Variants in TBXAS1 observed in about 807,000 individuals in gnomAD.
TBXAS1 encodes the protein thromboxane-A synthase.
A neutral mutation model predicts 60.7 loss-of-function variants in TBXAS1; 48 were observed. That is an observed-to-expected ratio of 0.79 (90% CI 0.63 to 1.01). The LOEUF is 1.01. Ranked by LOEUF, TBXAS1 falls within the 50% of genes least tolerant of loss-of-function variation. TBXAS1 has a pLI of 0.00. For synonymous variants in TBXAS1, 287 were observed against 269.7 expected (o/e 1.06, Z -0.63); for missense variants, 685 against 686.3 (o/e 1.00, Z 0.02).
chr7:139,892,235 T>G (rs769827462), intron 3 of TBXAS1, among the ~76,000 whole-genome samples: 2 of 152,182 alleles, frequency 1.3e-5, no homozygotes, highest in Non-Finnish European at 2.9e-5. Context: ...GTTCTGGTCT[T>G]AGCTCAGCTA....
intron 4 of TBXAS1, among the ~76,000 whole-genome samples, chr7:139,823,713 C>T (rs568666445): frequency 8.1e-4 from 123 of 152,250 alleles, no homozygotes; most frequent in African/African-American, 2.8e-3. Flanking sequence ...GCATGTAAAG[C>T]CAAAAGATTC....
rs1811181926 is a variant in TBXAS1 at position 139,971,384 on chromosome 7, A to C, written c.1134+9151A>C. ...AGGATACTAGGGACTTCTGTGCCCC[A>C]TCAGTGGACAAGTCACAAGTTCCCA... On this transcript the variant is annotated intron_variant, in intron 9 of 12. Transcript: ENST00000448866. Among the ~76,000 whole-genome samples the C allele has an allele frequency of 2.0e-5, 3 of 152,176 alleles. No individual in the cohort carries two copies. In the South Asian group the frequency reaches 6.2e-4, roughly 32 times the overall value.
chr7:140,011,836 C>CTATATA (rs3831720), intron 10 of TBXAS1, among the ~76,000 whole-genome samples: 6 of 150,440 alleles, frequency 4.0e-5, no homozygotes, highest in African/African-American at 1.2e-4. Context: ...ATTTTATGTT[C>CTATATA]TATATATATA....
Position 139,778,709 on chromosome 7 carries a change from C to T in TBXAS1, c.-318+238C>T, listed in dbSNP as rs1296326132. Among the ~76,000 whole-genome samples the T allele has an allele frequency of 2.0e-5, 3 of 152,174 alleles. No individual in the cohort carries two copies. The highest frequency in any genetic ancestry group is 4.4e-5 in the Non-Finnish European group (3 of 68,040). Reference sequence around the variant, plus strand: ...TGTCCCGAGGGCCGCCACTCCATCACTTGAATGGGAGCTCACAACTCTCTG... The same window carrying T: ...TGTCCCGAGGGCCGCCACTCCATCATTTGAATGGGAGCTCACAACTCTCTG... On this transcript the variant is annotated intron_variant, in intron 1 of 16. Coordinates refer to the TBXAS1 transcript ENST00000336425. This position sits in a 1 kb window ranked among gnomAD's most constrained non-coding sequence, Gnocchi z 4.8.
At chr7:139,956,656 C>G (rs1275245929) in intron 7 of TBXAS1, among the ~76,000 whole-genome samples, 1 of 152,250 alleles carries the variant, frequency 6.6e-6, no homozygotes, top group Non-Finnish European at 1.5e-5. Context: ...CGTCACCTCA[C>G]TGGCTCCGCC....
rs191196888 is a variant in TBXAS1 at position 139,909,046 on chromosome 7, C to A, written c.237-2179C>A. 3.3e-3 allele frequency among the ~76,000 whole-genome samples: 503 copies of A among 152,294 alleles called. 2 individuals are homozygous for A. Among genetic ancestry groups the A allele is most frequent in the Non-Finnish European group, 3.9e-3 (262 of 68,022 alleles). On this transcript the variant is annotated intron_variant, in intron 3 of 12. Coordinates refer to ENST00000448866, the MANE Select transcript of TBXAS1 (RefSeq NM_001061.7). ...TAAAAAAAACCTGCTGTCCTTTGAA[C>A]TGGTGTTCCCTATAGATAATACATT... is the stretch of plus-strand genomic sequence containing the variant.
At chr7:139,917,697 G>C (rs1251452616) in intron 4 of TBXAS1, among the ~76,000 whole-genome samples, 1 of 152,230 alleles carries the variant, frequency 6.6e-6, no homozygotes, top group Non-Finnish European at 1.5e-5. Flanking sequence ...ATAGTGTTAA[G>C]TGGTGTTGAT....
At chr7:139,809,272 A>ACC (rs1406439928) in intron 4 of TBXAS1, among the ~76,000 whole-genome samples, 2 of 134,822 alleles carry the variant, frequency 1.5e-5, no homozygotes, top group African/African-American at 2.7e-5. Context: ...GATAGATAGA[A>ACC]CCAATAGGAA....
At chr7:139,809,505 A>G (rs1797976404) in intron 4 of TBXAS1, among the ~76,000 whole-genome samples, 1 of 152,152 alleles carries the variant, frequency 6.6e-6, no homozygotes, top group South Asian at 2.1e-4. Context: ...GTCCCATGAT[A>G]GGTTATCTAC....
intron 5 of TBXAS1, among the ~76,000 whole-genome samples, chr7:139,940,220 A>AG (rs1466923775): frequency 6.6e-6 from 1 of 152,096 alleles, no homozygotes; most frequent in Non-Finnish European, 1.5e-5. Context: ...AGGAAATGAC[A>AG]GGGGGGCTGC....
At chr7:139,909,279 A>G (rs1234859694) in intron 3 of TBXAS1, among the ~76,000 whole-genome samples, 1 of 152,178 alleles carries the variant, frequency 6.6e-6, no homozygotes, top group Non-Finnish European at 1.5e-5. Flanking sequence ...AGCACATTGT[A>G]TATTTGAGAA....
Position 139,864,761 on chromosome 7 carries a change from G to A in TBXAS1, c.90-7474G>A, listed in dbSNP as rs899272946. Among the ~76,000 whole-genome samples the A allele has an allele frequency of 4.1e-4, 62 of 152,186 alleles. 1 individual carries two copies. Among genetic ancestry groups the A allele is most frequent in the Non-Finnish European group, 7.3e-5 (5 of 68,034 alleles). ...ATTATGAATCAGTGGGAAAAAGGGA[G>A]CAGTGCAGCAGGCACAACATCCCTT... On this transcript the variant is annotated intron_variant, in intron 1 of 12. Transcript: ENST00000448866.
chr7:139,905,035 CTTTCTTTCTTTCTTTCTT>C (rs1804921009), intron 3 of TBXAS1, among the ~76,000 whole-genome samples: 1 of 86,636 alleles, frequency 1.2e-5, no homozygotes, highest in African/African-American at 5.4e-5. Flanking sequence ...TTCTTTCTTT[CTTTCTTTCTTTCTTTCTT>C]TCTTTCTCTC....
chr7:139,784,340 G>A (rs536996648), intron 3 of TBXAS1, among the ~76,000 whole-genome samples: 1 of 151,728 alleles, frequency 6.6e-6, no homozygotes, highest in East Asian at 1.9e-4. Flanking sequence ...GCTAGATTCT[G>A]TAGCAGGACC....
At chr7:139,893,303 C>T (rs535979538) in intron 3 of TBXAS1, among the ~76,000 whole-genome samples, 1 of 147,722 alleles carries the variant, frequency 6.8e-6, no homozygotes, top group Non-Finnish European at 1.5e-5. Context: ...AAATATATGT[C>T]CTGCACATAT....
At chr7:139,952,796 G>T in intron 5 of TBXAS1, 1 of 1,175,232 alleles carries the variant, frequency 8.5e-7, no homozygotes. Context: ...GGTTTTCCCA[G>T]TATTCGAAAG....
Position 139,955,528 on chromosome 7 carries a change from G to A in TBXAS1, c.609G>A (p.Gln203=). 6.2e-7 allele frequency: 1 copy of A among 1,614,212 alleles called. No individual in the cohort carries two copies. The highest frequency in any genetic ancestry group is 1.1e-5 in the South Asian group (1 of 91,086). The change falls in exon 7 of 13, where the codon CAG becomes CAA. Residue 203 remains glutamine, a synonymous_variant. Transcript: ENST00000448866. ...VAFGTPVDSW[Q]APEDPFVKHC... ...TTGGCACCCCGGTGGACTCCTGGCA[G>A]GCCCCTGAGGATCCCTTTGTGAAAC...
intron 10 of TBXAS1, among the ~76,000 whole-genome samples, chr7:140,014,941 G>A (rs1366666608): frequency 2.7e-5 from 4 of 149,944 alleles, no homozygotes; most frequent in African/African-American, 7.4e-5. Context: ...GAAGGAGGAG[G>A]AGGAGAAGAA....
intron 4 of TBXAS1, among the ~76,000 whole-genome samples, chr7:139,929,536 A>C (rs1807149977): frequency 6.6e-6 from 1 of 152,208 alleles, no homozygotes; most frequent in African/African-American, 2.4e-5. Context: ...TTGCTTTATG[A>C]GGAAGTTAAG....
Sources: gnomAD v4.1 joint callset for allele counts (sites outside exome capture counted in the v4.1 genomes callset) on GRCh38, gnomAD v4.1.1 for gene constraint, Gnocchi (gnomAD v3.1) non-coding constraint, MANE v1.5 for transcripts, NCBI Gene and HGNC (gene_info 2026-07-23, HGNC 2026-07-21) for gene names.